The following FAM47E variants were observed in gnomAD, a reference collection of about 807,000 sequenced individuals.
The protein encoded by FAM47E is protein FAM47E.
A neutral mutation model predicts 41.6 loss-of-function variants in FAM47E; 32 were observed. That is an observed-to-expected ratio of 0.77 (90% confidence interval 0.58 to 1.03). The LOEUF is 1.03. Among genes scored for constraint, FAM47E ranks in the 50% least tolerant of loss-of-function variants. The pLI is 0.00. For missense variants in FAM47E, 424 were observed against 485.4 expected, an observed-to-expected ratio of 0.87 and a Z score of 1.19; for synonymous variants, 184 against 188.7, an observed-to-expected ratio of 0.98 and a Z score of 0.20.
chr4:76,219,455 C>T (rs535461017), intron 2 of FAM47E, among the ~76,000 whole-genome samples: 2 of 152,310 alleles, frequency 1.3e-5, no homozygotes, highest in Admixed American at 6.5e-5. Context: ...GTGGCAAAGC[C>T]AGCATATTGT....
Position 76,214,490 on chromosome 4 carries a change from C to T in FAM47E, c.-30+66C>T, listed in dbSNP as rs142796106. ...GAAGCAAGAAGGAAGTTCCTTTTGA[C>T]TGTAGGCTCAGGTGTTCAGGGGGTG... On this transcript the variant is annotated intron_variant, in intron 1 of 7. Transcript: ENST00000510197. 7.6e-3 allele frequency: 2,764 copies of T among 361,496 alleles called. 71 individuals carry two copies. The highest frequency in any genetic ancestry group is 0.056 in the African/African-American group (2,592 of 46,620). The allele number at this position is 361,496 out of a possible 1,614,324, so 22.4% of individuals were successfully genotyped here.
chr4:76,223,698 G>A (rs1212309970), intron 2 of FAM47E, among the ~76,000 whole-genome samples: 2 of 152,196 alleles, frequency 1.3e-5, no homozygotes, highest in Non-Finnish European at 2.9e-5. Context: ...TAAAGTGTGA[G>A]AAGCATAGCA....
intron 2 of FAM47E, among the ~76,000 whole-genome samples, chr4:76,229,826 G>T (rs1733462849): frequency 6.6e-6 from 1 of 152,228 alleles, no homozygotes; most frequent in African/African-American, 2.4e-5. Flanking sequence ...TATGCTAGCA[G>T]TGAAGTTTTT....
At chr4:76,221,853 C>T (rs1468936473) in intron 2 of FAM47E, among the ~76,000 whole-genome samples, 4 of 152,146 alleles carry the variant, frequency 2.6e-5, no homozygotes, top group Non-Finnish European at 4.4e-5. Flanking sequence ...CAAACCTCAG[C>T]GACACCCAGT....
chr4:76,265,927 A>G (rs1421522181), intron 3 of FAM47E, among the ~76,000 whole-genome samples: 1 of 151,760 alleles, frequency 6.6e-6, no homozygotes, highest in Non-Finnish European at 1.5e-5. Context: ...AATTTTTTGA[A>G]AGAGGCATTC....
rs1734183130 is a variant in FAM47E at position 76,256,192 on chromosome 4, A to C, written c.89A>C (p.His30Pro). 6.4e-7 allele frequency: 1 copy of C among 1,551,448 alleles called. No individual in the cohort carries two copies. Among genetic ancestry groups the C allele is most frequent in the Non-Finnish European group, 8.7e-7 (1 of 1,146,844 alleles). Residue 30 changes from histidine to proline, a missense_variant, in exon 2 of 8, where the codon CAC becomes CCC. By Grantham distance (77) the His-to-Pro change is moderately conservative (BLOSUM62 -2). Coordinates refer to ENST00000424749, the MANE Select transcript of FAM47E (RefSeq NM_001136570.3). ...CTACCTTCCAGATGTTTCACAAAGCACAAGAACGGGCTGAAGTTCCCCACC... is the reference window on the plus strand; with the variant it reads ...CTACCTTCCAGATGTTTCACAAAGCCCAAGAACGGGCTGAAGTTCCCCACC... The part of the protein sequence containing the change: ...VNCRSRCFTK[H>P]KNGLKFPTSL...
intron 2 of FAM47E, among the ~76,000 whole-genome samples, chr4:76,224,554 C>G (rs1410453361): frequency 6.6e-6 from 1 of 152,114 alleles, no homozygotes; most frequent in African/African-American, 2.4e-5. Context: ...ACAATTATAA[C>G]TTTTTAAAAA....
chr4:76,223,066 A>G (rs1283534385), intron 2 of FAM47E, among the ~76,000 whole-genome samples: 2 of 152,224 alleles, frequency 1.3e-5, no homozygotes, highest in African/African-American at 4.8e-5. Context: ...TTTGTTCAAT[A>G]TCAAAGGTAA....
rs531945573 is a variant in FAM47E, at chr4:76,270,564, T to C, written c.670-1004T>C. Among the ~76,000 whole-genome samples, 6 of 152,286 alleles carry C rather than the reference T, an allele frequency of 3.9e-5. No homozygotes were observed. The East Asian group carries it at 7.7e-4, about 20-fold the overall frequency. Reference sequence around the variant, plus strand: ...TAGTATCCAAACTACTGCTTGTCCATAATCTGTTCAGATTGGATTGCCTGA... The same window carrying C: ...TAGTATCCAAACTACTGCTTGTCCACAATCTGTTCAGATTGGATTGCCTGA... On this transcript the variant is annotated intron_variant, in intron 4 of 7. Transcript: ENST00000424749.
At chr4:76,252,591 G>T (rs1344134047) in intron 1 of FAM47E, among the ~76,000 whole-genome samples, 1 of 152,138 alleles carries the variant, frequency 6.6e-6, no homozygotes. Flanking sequence ...TAAGATTGTC[G>T]TGAGGATTAA....
rs1734891212 is a variant in FAM47E at position 76,271,572 on chromosome 4, T to C, written c.674T>C (p.Ile225Thr). ...TGCAATGTGATATTCTTCCAGGGAA[T>C]TTCGGACATCGATGAAGAGTTCATC... ...GPRPGLHENG[I>T]SDIDEEFILK... The change falls in exon 5 of 8, where the codon ATT becomes ACT. Residue 225 changes from isoleucine (I) to threonine (T), a missense_variant. Ile to Thr is a moderately conservative substitution (Grantham distance 89, BLOSUM62 -1). Coordinates refer to ENST00000424749, the MANE Select transcript of FAM47E (RefSeq NM_001136570.3). 2.6e-6 allele frequency: 4 copies of C among 1,551,936 alleles called. No individual in the cohort carries two copies. In the South Asian group the frequency reaches 4.8e-5, roughly 18 times the overall value.
chr4:76,254,128 GAA>G lies in FAM47E; in HGVS notation c.75-2035_75-2034del, dbSNP rs35201794. ...GAGCAACAGAGTGAGACCCTGTCTT[GAA>G]AAAAAAAAAAAAAACAGAAAAAGAA... On this transcript the variant is annotated intron_variant, in intron 1 of 7. Transcript: ENST00000424749. 2.1e-3 allele frequency among the ~76,000 whole-genome samples: 276 copies of G among 129,664 alleles called. 1 individual carries two copies. The highest frequency in any genetic ancestry group is 4.7e-3 in the Admixed American group (60 of 12,874). 85.1% of individuals were successfully genotyped at this position (129,664 alleles called of 152,430 possible). A position where few individuals can be genotyped will look rare whatever the true frequency, so the allele number is the denominator to read the frequency against.
chr4:76,222,777 A>G (rs1733331729), intron 2 of FAM47E, among the ~76,000 whole-genome samples: 1 of 152,190 alleles, frequency 6.6e-6, no homozygotes, highest in South Asian at 2.1e-4. Flanking sequence ...CTTCACATCT[A>G]TTAATTTTTC....
Position 76,283,659 on chromosome 4 carries a change from T to G in FAM47E, c.*201T>G. On this transcript the variant is annotated 3_prime_UTR_variant, in exon 8 of 8. Transcript: ENST00000424749. Reference sequence around the variant, plus strand: ...TTTCTGCTTCAGTTAATCAACATTTTGTATACTTTATCACCCATGAGATCA... The same window carrying G: ...TTTCTGCTTCAGTTAATCAACATTTGGTATACTTTATCACCCATGAGATCA... The G allele has an allele frequency of 2.0e-6, 1 of 497,284 alleles. No homozygotes were observed. The highest frequency in any genetic ancestry group is 3.6e-6 in the Non-Finnish European group (1 of 276,108). The allele number at this position is 497,284 out of a possible 1,614,324, so 30.8% of individuals were successfully genotyped here.
chr4:76,226,902 G>C (rs2174921), intron 2 of FAM47E, among the ~76,000 whole-genome samples: 89,679 of 151,918 alleles, frequency 0.59, 28,060 homozygotes, highest in Non-Finnish European at 0.71. Flanking sequence ...GAGCTTTTTT[G>C]AATCTTCTCT....
chr4:76,257,470 T>A (rs1734239313), intron 2 of FAM47E, among the ~76,000 whole-genome samples: 1 of 152,140 alleles, frequency 6.6e-6, no homozygotes, highest in African/African-American at 2.4e-5. Flanking sequence ...CAGTGTCCCC[T>A]TCTCTCTCAG....
chr4:76,252,649 G>A (rs1022487736), intron 1 of FAM47E, among the ~76,000 whole-genome samples: 8 of 152,288 alleles, frequency 5.3e-5, no homozygotes, highest in African/African-American at 1.9e-4. Flanking sequence ...AACGTATCGT[G>A]TACATGTTAG....
At chr4:76,229,064 G>A (rs746823675) in intron 2 of FAM47E, among the ~76,000 whole-genome samples, 24 of 151,976 alleles carry the variant, frequency 1.6e-4, no homozygotes, top group Non-Finnish European at 1.6e-4. Flanking sequence ...GTCAGATTGG[G>A]TTAATTCAAA....
At chr4:76,239,859 T>C (rs1236880117) in intron 2 of FAM47E, among the ~76,000 whole-genome samples, 1 of 152,234 alleles carries the variant, frequency 6.6e-6, no homozygotes, top group Non-Finnish European at 1.5e-5. Context: ...TTTTATAGTT[T>C]TAGTTCTTAC....
Sources: allele counts gnomAD v4.1 joint callset (sites outside exome capture counted in the v4.1 genomes callset), GRCh38; gene constraint gnomAD v4.1.1; transcripts MANE v1.5; gene names NCBI Gene and HGNC (gene_info 2026-07-23, HGNC 2026-07-21).